CDH19: variants seen among roughly 807,000 people sequenced by gnomAD.
The protein encoded by CDH19 is cadherin-19.
CDH19 carries 67 observed loss-of-function variants against 64.2 expected under a neutral mutation model. The observed-to-expected ratio is 1.04, with a 90% CI of 0.86 to 1.28. CDH19 has a LOEUF of 1.28. Ranked by LOEUF, CDH19 falls within the 50% of genes most tolerant of loss-of-function variation. The pLI, the probability that CDH19 is intolerant of heterozygous loss-of-function variation, is 0.00. For missense variants in CDH19, 1,030 were observed against 929.0 expected (o/e 1.11, Z -1.41); for synonymous variants, 346 against 319.3 (o/e 1.08, Z -0.89).
Position 66,588,617 on chromosome 18 carries a change from TATCTATATCTATATATATATAG to T in CDH19, c.-113+15315_-113+15336del, listed in dbSNP as rs1414535215. 4.5e-5 allele frequency among the ~76,000 whole-genome samples: 6 copies of T among 133,878 alleles called. 1 individual carries two copies. The highest frequency in any genetic ancestry group is 6.9e-5 in the Non-Finnish European group (4 of 58,322). The allele number at this position is 133,878 out of a possible 152,430, so 87.8% of individuals were successfully genotyped here. A position where few individuals can be genotyped will look rare whatever the true frequency, so the allele number is the denominator to read the frequency against. On this transcript the variant is annotated intron_variant, in intron 1 of 11. Transcript: ENST00000262150. ...CATTTTTACTAATCATATATATCTA[TATCTATATCTATATATATATAG>T]ATACAGCTCAGATTTATTTCAGTGT...
chr18:66,551,126 T>A lies in CDH19; in HGVS notation c.743A>T (p.Asp248Val). Reference sequence around the variant, plus strand: ...AAATATAGGCTTATTGTCATTAACATCTGAAAGTTTAATTAATACACTTGT... The same window carrying A: ...AAATATAGGCTTATTGTCATTAACAACTGAAAGTTTAATTAATACACTTGT... ...GTTSVLIKLS[D>V]VNDNKPIFKE... Residue 248 changes from aspartate to valine, a missense_variant, in exon 5 of 12, where the codon GAT (aspartate) becomes GTT (valine). By Grantham distance (152) the Asp-to-Val change is radical. Transcript: ENST00000262150. 6.2e-7 allele frequency: 1 copy of A among 1,604,728 alleles called. No homozygotes were observed. The highest frequency in any genetic ancestry group is 8.5e-7 in the Non-Finnish European group (1 of 1,172,346).
At chr18:66,585,750 T>C (rs1988558451) in intron 1 of CDH19, among the ~76,000 whole-genome samples, 1 of 152,134 alleles carries the variant, frequency 6.6e-6, no homozygotes, top group South Asian at 2.1e-4. Context: ...AATACTTTAG[T>C]ATATATTTTC....
intron 3 of CDH19, 103 bp downstream of exon 3, chr18:66,568,313 T>C: frequency 2.3e-6 from 2 of 857,232 alleles, no homozygotes; most frequent in Non-Finnish European, 3.6e-6. Flanking sequence ...TAGAAGGAAG[T>C]TCTAGTATAG....
At chr18:66,511,400 GAACTT>G (rs1555683330) in intron 10 of CDH19, among the ~76,000 whole-genome samples, 163 bp downstream of exon 10, 1 of 151,608 alleles carries the variant, frequency 6.6e-6, no homozygotes, top group Non-Finnish European at 1.5e-5. Flanking sequence ...AATATTTTTA[GAACTT>G]AACATTGAGT....
intron 1 of CDH19, among the ~76,000 whole-genome samples, chr18:66,586,735 A>G (rs1437751017): frequency 6.6e-6 from 1 of 152,012 alleles, no homozygotes; most frequent in African/African-American, 2.4e-5. Flanking sequence ...GGTACTCTGT[A>G]TTTTTGTGAA....
intron 7 of CDH19, among the ~76,000 whole-genome samples, chr18:66,536,503 G>A (rs1986676817): frequency 1.3e-5 from 2 of 151,812 alleles, no homozygotes; most frequent in South Asian, 4.1e-4. Context: ...TCCTATTTCT[G>A]TAAAATGTCA....
intron 1 of CDH19, 72 bp from the exon 2 acceptor site, chr18:66,572,388 G>A: frequency 4.6e-6 from 2 of 430,506 alleles, no homozygotes; most frequent in Non-Finnish European, 8.3e-6. Context: ...CTAAAGACAG[G>A]TTACAACTTC....
chr18:66,555,700 T>C (rs1446038396), intron 3 of CDH19, among the ~76,000 whole-genome samples: 1 of 151,702 alleles, frequency 6.6e-6, no homozygotes, highest in East Asian at 1.9e-4. Flanking sequence ...TTTCAGATGT[T>C]TTAAAGTGAA....
At position 66,502,585 on chromosome 18, in the gene CDH19, T is replaced by C. The variant is rs1364655027; in HGVS notation, c.*2227A>G. 1.3e-5 allele frequency: 2 copies of C among 152,106 alleles called. No homozygotes were observed. The highest frequency in any genetic ancestry group is 1.9e-4 in the East Asian group (1 of 5,168). 9.4% of individuals were successfully genotyped at this position (152,106 alleles called of 1,614,324 possible). ...TTTCTACTAAGATTACCTAGCATTC[T>C]TTTTAAATAAAGGAAACAACACTTC... On this transcript the variant is annotated 3_prime_UTR_variant, in exon 12 of 12. Transcript: ENST00000262150.
chr18:66,545,222 C>T (rs1987063989), intron 5 of CDH19, among the ~76,000 whole-genome samples: 1 of 152,060 alleles, frequency 6.6e-6, no homozygotes, highest in African/African-American at 2.4e-5. Context: ...TCATGATCCA[C>T]CTGCCTCGGC....
Position 66,505,249 on chromosome 18 carries a change from G to A in CDH19, c.1882C>T (p.Pro628Ser), listed in dbSNP as rs770635432. 2.5e-6 allele frequency: 4 copies of A among 1,594,948 alleles called. No homozygotes were observed. The African/African-American group carries it at 5.4e-5, about 22-fold the overall frequency. ...TCTCTGAAATCTTCACTTTTCTCAG[G>A]AAATAGAATCTGTTTTCTCCGTTGT... Reference protein sequence around the residue: ...LKQRRKQILFPEKSEDFRENI... With the variant: ...LKQRRKQILFSEKSEDFRENI... Residue 628 changes from proline to serine, a missense_variant, in exon 12 of 12, where the codon CCT becomes TCT. By Grantham distance (74) the Pro-to-Ser change is moderately conservative (BLOSUM62 -1). Transcript: ENST00000262150.
intron 1 of CDH19, among the ~76,000 whole-genome samples, chr18:66,601,408 AC>A (rs1989034948): frequency 6.6e-6 from 1 of 151,914 alleles, no homozygotes; most frequent in African/African-American, 2.4e-5. Context: ...CCACTTTAAT[AC>A]AGTATCTTGC....
chr18:66,580,472 G>C (rs1231059075), intron 1 of CDH19, among the ~76,000 whole-genome samples: 3 of 152,062 alleles, frequency 2.0e-5, no homozygotes, highest in Non-Finnish European at 4.4e-5. Context: ...AGTTAAGTTA[G>C]TAAGTCTAGG....
chr18:66,504,583 G>A lies in CDH19; in HGVS notation c.*229C>T, dbSNP rs1985089213. The A allele has an allele frequency of 4.9e-6, 2 of 409,070 alleles. No homozygotes were observed. Among genetic ancestry groups the A allele is most frequent in the Non-Finnish European group, 8.7e-6 (2 of 229,420 alleles). 25.3% of individuals were successfully genotyped at this position (409,070 alleles called of 1,614,324 possible). ...TCCTAAATTATTTTACTTCAAATCT[G>A]GTTGTATTGATGCCTGTGAGCTGAT... is the stretch of plus-strand genomic sequence containing the variant. On this transcript the variant is annotated 3_prime_UTR_variant, in exon 12 of 12. Coordinates refer to ENST00000262150, the MANE Select transcript of CDH19 (RefSeq NM_021153.4).
At chr18:66,536,829 T>C (rs1986692945) in intron 7 of CDH19, among the ~76,000 whole-genome samples, 1 of 151,810 alleles carries the variant, frequency 6.6e-6, no homozygotes, top group African/African-American at 2.4e-5. Context: ...AAATTTTACA[T>C]ATATGTAAAA....
Position 66,504,096 on chromosome 18 carries a change from G to C in CDH19, c.*716C>G, listed in dbSNP as rs1468357515. The C allele has an allele frequency of 6.6e-6, 1 of 151,814 alleles. No individual in the cohort carries two copies. Among genetic ancestry groups the C allele is most frequent in the Non-Finnish European group, 1.5e-5 (1 of 67,888 alleles). The allele number at this position is 151,814 out of a possible 1,614,324, so 9.4% of individuals were successfully genotyped here. ...AACCATTTAAAAAGGTTGAGCGTTT[G>C]CATTAGATGACATTGAAAAATAGTA... On this transcript the variant is annotated 3_prime_UTR_variant, in exon 12 of 12. Transcript: ENST00000262150.
At chr18:66,579,426 C>CT (rs1321014530) in intron 1 of CDH19, among the ~76,000 whole-genome samples, 2 of 152,026 alleles carry the variant, frequency 1.3e-5, no homozygotes, top group African/African-American at 4.8e-5. Flanking sequence ...TACAGATTTG[C>CT]TACCCACAGT....
At chr18:66,547,083 A>G (rs1241985492) in intron 5 of CDH19, among the ~76,000 whole-genome samples, 2 of 152,258 alleles carry the variant, frequency 1.3e-5, no homozygotes, top group East Asian at 3.9e-4. Flanking sequence ...AATAAACTAA[A>G]GGAGAACAAT....
intron 1 of CDH19, among the ~76,000 whole-genome samples, chr18:66,579,292 A>C (rs2144598486): frequency 6.6e-6 from 1 of 152,158 alleles, no homozygotes; most frequent in Non-Finnish European, 1.5e-5. Flanking sequence ...TATTTTACCA[A>C]AAAAAGTTGA....
Sources: allele counts gnomAD v4.1 joint callset (sites outside exome capture counted in the v4.1 genomes callset), GRCh38; gene constraint gnomAD v4.1.1; transcripts MANE v1.5; gene names NCBI Gene and HGNC (gene_info 2026-07-23, HGNC 2026-07-21).